LAMA2: variants seen among roughly 807,000 people sequenced by gnomAD.
LAMA2 encodes laminin subunit alpha-2.
LAMA2 carries 269 observed loss-of-function variants against 364.8 expected under a neutral mutation model. The ratio of observed to expected loss-of-function variants is 0.74; its 90% CI spans 0.67 to 0.82. LAMA2 has a LOEUF of 0.82. Ranked by LOEUF, LAMA2 falls within the 40% of genes least tolerant of loss-of-function variation. The pLI, the probability that LAMA2 is intolerant of heterozygous loss-of-function variation, is 0.00. For missense variants in LAMA2, 3,807 were observed against 3,873.2 expected, an observed-to-expected ratio of 0.98 and a Z score of 0.45; for synonymous variants, 1,379 against 1,370.6, an observed-to-expected ratio of 1.01 and a Z score of -0.14.
chr6:128,909,538 G>A (rs370029225), intron 1 of LAMA2, among the ~76,000 whole-genome samples: 219 of 147,364 alleles, frequency 1.5e-3, no homozygotes, highest in African/African-American at 4.9e-3. Flanking sequence ...GTCTCTGCAC[G>A]TGAGATGGGT....
intron 40 of LAMA2, among the ~76,000 whole-genome samples, chr6:129,427,364 C>T (rs1277178421): frequency 3.3e-5 from 5 of 152,158 alleles, no homozygotes; most frequent in African/African-American, 1.2e-4. Context: ...TTCTGTAGCA[C>T]GTCATAATGC....
intron 1 of LAMA2, among the ~76,000 whole-genome samples, chr6:128,968,675 T>G (rs1430353755): frequency 1.3e-5 from 2 of 152,078 alleles, no homozygotes; most frequent in Admixed American, 6.6e-5. Flanking sequence ...ATGTAGGGTA[T>G]AGCTTCTCAT....
intron 63 of LAMA2, among the ~76,000 whole-genome samples, chr6:129,512,768 A>T (rs1008845670): frequency 2.0e-5 from 3 of 152,296 alleles, no homozygotes; most frequent in South Asian, 2.1e-4. Flanking sequence ...TCGAGTTCTT[A>T]CTGTGTTGCT....
rs117066719 is a variant in LAMA2, at chr6:129,503,617, C to T, written c.8547+337C>T. 6.5e-3 allele frequency among the ~76,000 whole-genome samples: 983 copies of T among 152,168 alleles called. 6 individuals are homozygous for T. Among genetic ancestry groups the T allele is most frequent in the Middle Eastern group, 0.034 (10 of 294 alleles). ...AACAGAGTGTGTTCACCATCAAGCT[C>T]GATGTATTCAATTTTAAGGAATAAT... On this transcript the variant is annotated intron_variant, in intron 60 of 64. Coordinates refer to ENST00000421865, the MANE Select transcript of LAMA2 (RefSeq NM_000426.4).
chr6:128,991,619 C>T (rs941476811), intron 1 of LAMA2, among the ~76,000 whole-genome samples: 7 of 152,016 alleles, frequency 4.6e-5, no homozygotes, highest in Non-Finnish European at 7.4e-5. Flanking sequence ...TGTTAGTGTA[C>T]GAAATTCTGT....
chr6:128,894,480 T>C (rs903620342), intron 1 of LAMA2, among the ~76,000 whole-genome samples: 1 of 152,224 alleles, frequency 6.6e-6, no homozygotes, highest in African/African-American at 2.4e-5. Context: ...TTATTCATTC[T>C]TAAGAAAATG....
At chr6:129,248,756 A>T (rs1785952810) in intron 12 of LAMA2, among the ~76,000 whole-genome samples, 1 of 152,146 alleles carries the variant, frequency 6.6e-6, no homozygotes, top group Non-Finnish European at 1.5e-5. Flanking sequence ...GCCTTTCTAG[A>T]ATCCTTTTAT....
intron 18 of LAMA2, among the ~76,000 whole-genome samples, chr6:129,285,336 C>T (rs564360580): frequency 1.3e-5 from 2 of 152,174 alleles, no homozygotes; most frequent in Admixed American, 1.3e-4. Context: ...TTTTCTATCA[C>T]GTATATTCAC....
At chr6:129,471,028 A>T (rs1316071098) in intron 51 of LAMA2, among the ~76,000 whole-genome samples, 1 of 151,896 alleles carries the variant, frequency 6.6e-6, no homozygotes, top group Non-Finnish European at 1.5e-5. Flanking sequence ...TAATAGCCAA[A>T]GTAAAAACAC....
At chr6:129,343,046 C>T (rs1037190796) in intron 30 of LAMA2, among the ~76,000 whole-genome samples, 8 of 152,096 alleles carry the variant, frequency 5.3e-5, no homozygotes, top group African/African-American at 1.9e-4. Context: ...TAAGAAGAAA[C>T]AAAAGCTGGA....
At chr6:129,338,976 TG>T in intron 29 of LAMA2, among the ~76,000 whole-genome samples, 1 of 71,282 alleles carries the variant, frequency 1.4e-5, no homozygotes. Flanking sequence ...AAGGCGGGGG[TG>T]GGGGTGGCAG....
intron 40 of LAMA2, among the ~76,000 whole-genome samples, chr6:129,420,899 T>C (rs1179407600): frequency 6.6e-6 from 1 of 152,162 alleles, no homozygotes; most frequent in Non-Finnish European, 1.5e-5. Context: ...GTAATGATTG[T>C]CTTTTTTTAT....
chr6:129,200,276 A>G lies in LAMA2; in HGVS notation c.1782+7423A>G, dbSNP rs200744281. 1.4e-3 allele frequency among the ~76,000 whole-genome samples: 190 copies of G among 134,834 alleles called. 6 individuals carry two copies. Among genetic ancestry groups the G allele is most frequent in the African/African-American group, 5.2e-3 (169 of 32,776 alleles). The allele number at this position is 134,834 out of a possible 152,430, so 88.5% of individuals were successfully genotyped here. Reference sequence around the variant, plus strand: ...TATACGTGTACACATATACATGTGTATATATATACGTGTACACATATACAT... The same window carrying G: ...TATACGTGTACACATATACATGTGTGTATATATACGTGTACACATATACAT... On this transcript the variant is annotated intron_variant, in intron 12 of 64. Transcript: ENST00000421865.
intron 1 of LAMA2, among the ~76,000 whole-genome samples, chr6:128,962,704 A>G (rs949571513): frequency 2.0e-5 from 3 of 152,222 alleles, no homozygotes; most frequent in African/African-American, 7.2e-5. Flanking sequence ...TGACATCCAT[A>G]TGATGTGGAC....
At chr6:129,320,789 C>T in intron 28 of LAMA2, 134 bp downstream of exon 28, 1 of 694,846 alleles carries the variant, frequency 1.4e-6, no homozygotes, top group Admixed American at 2.0e-5. Flanking sequence ...GTGTGAGACA[C>T]AGTGGCAAGA....
In LAMA2 at chr6:129,481,527, T is replaced by C. The variant is rs1421219580; in HGVS notation, c.7749+88T>C. ...TTTTGTATTTTTAGTTTCGTATCATTTATTTCTGCTCTCATCTTGGCTAGC... is the reference window on the plus strand; with the variant it reads ...TTTTGTATTTTTAGTTTCGTATCATCTATTTCTGCTCTCATCTTGGCTAGC... On this transcript the variant is annotated intron_variant, in intron 55 of 64. Coordinates refer to ENST00000421865, the MANE Select transcript of LAMA2 (RefSeq NM_000426.4). 10 of 1,097,136 alleles carry C rather than the reference T, an allele frequency of 9.1e-6. No individual in the cohort carries two copies. In the East Asian group the frequency reaches 2.4e-4, roughly 26 times the overall value. The allele number at this position is 1,097,136 out of a possible 1,614,324, so 68.0% of individuals were successfully genotyped here. A position where few individuals can be genotyped will look rare whatever the true frequency, so the allele number is the denominator to read the frequency against.
At chr6:128,921,702 T>G (rs1008834709) in intron 1 of LAMA2, among the ~76,000 whole-genome samples, 8 of 142,148 alleles carry the variant, frequency 5.6e-5, no homozygotes, top group East Asian at 1.9e-4. Context: ...TGTCTGTTTT[T>G]TTTTTTTTTT....
chr6:128,929,928 C>A, intron 1 of LAMA2: 1 of 790,010 alleles, frequency 1.3e-6, no homozygotes, highest in Admixed American at 2.0e-5. Flanking sequence ...AGCAGGAGCG[C>A]GGCCCACAGC....
intron 55 of LAMA2, among the ~76,000 whole-genome samples, chr6:129,483,444 A>AAATT (rs1375313835): frequency 2.6e-5 from 4 of 152,174 alleles, no homozygotes; most frequent in Admixed American, 2.6e-4. Flanking sequence ...CATATGGAGA[A>AAATT]AATTATAAAA....
Sources: gnomAD v4.1 joint callset for allele counts (sites outside exome capture counted in the v4.1 genomes callset) on GRCh38, gnomAD v4.1.1 for gene constraint, MANE v1.5 for transcripts, NCBI Gene and HGNC (gene_info 2026-07-23, HGNC 2026-07-21) for gene names.